Variants in ZYG11A observed in about 807,000 individuals in gnomAD.
ZYG11A encodes protein zyg-11 homolog A.
Under a neutral mutation model 77.2 loss-of-function variants are expected in ZYG11A, and 62 were observed. The ratio of observed to expected loss-of-function variants is 0.80; its 90% confidence interval spans 0.65 to 0.99. The LOEUF is 0.99. ZYG11A is among the 50% of genes least tolerant of loss of function. ZYG11A has a pLI of 0.00. For missense variants in ZYG11A, 828 were observed against 896.8 expected (o/e 0.92, Z 0.98); for synonymous variants, 315 against 324.6 (o/e 0.97, Z 0.32).
intron 5 of ZYG11A, 143 bp downstream of exon 5, chr1:52,864,300 C>T (rs989141791): frequency 2.2e-5 from 18 of 811,612 alleles, no homozygotes; most frequent in South Asian, 1.8e-5. Context: ...GGCTGGAGTG[C>T]GGTGGCACGA....
chr1:52,857,031 G>T lies in ZYG11A; in HGVS notation c.290G>T (p.Arg97Leu), dbSNP rs934304733. 1 of 1,545,190 alleles carries T rather than the reference G, an allele frequency of 6.5e-7. No homozygotes were observed. Among genetic ancestry groups the T allele is most frequent in the African/African-American group, 1.4e-5 (1 of 72,954 alleles). The change falls in exon 3 of 14, where the codon CGA (arginine) becomes CTA (leucine). Residue 97 changes from arginine to leucine, a missense_variant. Transcript: ENST00000371528. ...ACTGACAGAACAGCCAGCATTTTCC[G>T]AGGCAACCAAATGAAACTGAAGCTG... ...KLTDRTASIF[R>L]GNQMKLKLVN...
At chr1:52,863,616 T>C (rs1645968920) in intron 4 of ZYG11A, among the ~76,000 whole-genome samples, 6 of 152,256 alleles carry the variant, frequency 3.9e-5, no homozygotes, top group Admixed American at 3.9e-4. Flanking sequence ...CACAGTGTTA[T>C]TACTGTCACA....
chr1:52,874,729 G>C (rs1672910), intron 8 of ZYG11A, among the ~76,000 whole-genome samples: 1 of 152,016 alleles, frequency 6.6e-6, no homozygotes, highest in South Asian at 2.1e-4. Context: ...TAGCCGGGTG[G>C]GGTGGCACGA....
chr1:52,872,951 C>T (rs115651578), intron 8 of ZYG11A, among the ~76,000 whole-genome samples: 1 of 151,448 alleles, frequency 6.6e-6, no homozygotes, highest in African/African-American at 2.4e-5. Flanking sequence ...CTAGAGCTGC[C>T]ATAGGTAGGA....
chr1:52,845,170 C>G (rs1163151961), intron 1 of ZYG11A, among the ~76,000 whole-genome samples: 1 of 152,068 alleles, frequency 6.6e-6, no homozygotes, highest in Non-Finnish European at 1.5e-5. Context: ...TAGCAATATT[C>G]TTGTCCAGAA....
chr1:52,850,429 C>T (rs1347864085), intron 1 of ZYG11A, among the ~76,000 whole-genome samples: 1 of 151,930 alleles, frequency 6.6e-6, no homozygotes, highest in Non-Finnish European at 1.5e-5. Flanking sequence ...AGCTATTGTC[C>T]TGCCTCAGCC....
At chr1:52,856,596 A>G (rs940127052) in intron 2 of ZYG11A, among the ~76,000 whole-genome samples, 1 of 152,178 alleles carries the variant, frequency 6.6e-6, no homozygotes, top group Non-Finnish European at 1.5e-5. Flanking sequence ...AAATAATATT[A>G]GTAGTGCTAC....
chr1:52,850,867 G>A lies in ZYG11A; in HGVS notation c.91-3598G>A, dbSNP rs115522257. 4.4e-3 allele frequency among the ~76,000 whole-genome samples: 675 copies of A among 152,124 alleles called. 8 individuals carry two copies. The highest frequency in any genetic ancestry group is 0.015 in the African/African-American group (622 of 41,502). ...TGTTCATGTTCTGTTTTAAACCCAC[G>A]AATTATAATAGCCATTTTAAATTCC... On this transcript the variant is annotated intron_variant, in intron 1 of 13. Transcript: ENST00000371528.
At chr1:52,870,430 A>G (rs1646134817) in intron 8 of ZYG11A, among the ~76,000 whole-genome samples, 1 of 152,172 alleles carries the variant, frequency 6.6e-6, no homozygotes, top group Non-Finnish European at 1.5e-5. Flanking sequence ...GCGGCCAGGC[A>G]GAGACGCCCC....
chr1:52,881,470 G>T lies in ZYG11A; in HGVS notation c.1750-1G>T. The T allele has an allele frequency of 6.5e-7, 1 of 1,545,284 alleles. No individual in the cohort carries two copies. Among genetic ancestry groups the T allele is most frequent in the South Asian group, 1.2e-5 (1 of 82,854 alleles). On this transcript the variant is annotated splice_acceptor_variant, in intron 10 of 13. Transcript: ENST00000371528. LOFTEE classifies it high-confidence loss of function. ...GGTTCTCTGCTCCATCTGACCTGTA[G>T]AACAACATAGCAGAAGTCAGAGAGC...
In ZYG11A at chr1:52,857,011, C is replaced by T. The variant is rs1186408506; in HGVS notation, c.270C>T (p.Asp90=). 6.5e-7 allele frequency: 1 copy of T among 1,537,786 alleles called. No homozygotes were observed. The highest frequency in any genetic ancestry group is 2.0e-5 in the Admixed American group (1 of 49,846). The change falls in exon 3 of 14, where the codon GAC becomes GAT. Residue 90 remains aspartate, a synonymous_variant. Coordinates refer to ENST00000371528, the MANE Select transcript of ZYG11A (RefSeq NM_001004339.3). The part of the protein sequence containing the change: ...RVMTWQGKLT[D]RTASIFRGNQ... ...GTTCTTTCATAGGCAAGCTGACTGA[C>T]AGAACAGCCAGCATTTTCCGAGGCA...
Position 52,860,711 on chromosome 1 carries a change from G to T in ZYG11A, c.1009-20G>T. 3 of 1,549,504 alleles carry T rather than the reference G, an allele frequency of 1.9e-6. No individual in the cohort carries two copies. Among genetic ancestry groups the T allele is most frequent in the Non-Finnish European group, 2.6e-6 (3 of 1,146,378 alleles). On this transcript the variant is annotated intron_variant, in intron 3 of 13. Transcript: ENST00000371528. The stretch of plus-strand genomic sequence containing the variant: ...AAAATATGAATGGTGAAACCTGTTT[G>T]GTAACATCTTTATTTTCAGGTTGCT...
intron 5 of ZYG11A, among the ~76,000 whole-genome samples, chr1:52,864,746 G>A (rs1256054703): frequency 6.6e-6 from 1 of 151,618 alleles, no homozygotes; most frequent in Non-Finnish European, 1.5e-5. Context: ...CTGGGTTCGT[G>A]CCATTCTCCT....
intron 5 of ZYG11A, among the ~76,000 whole-genome samples, chr1:52,866,158 C>T (rs1414366279): frequency 1.3e-5 from 2 of 152,096 alleles, no homozygotes; most frequent in Admixed American, 6.5e-5. Context: ...AGGTTGGTCT[C>T]GATCTCCTGA....
intron 10 of ZYG11A, among the ~76,000 whole-genome samples, chr1:52,880,317 T>TA (rs1646342813): frequency 6.6e-6 from 1 of 152,106 alleles, no homozygotes; most frequent in South Asian, 2.1e-4. Flanking sequence ...TACTAGTGTC[T>TA]AGAGTGTGCT....
chr1:52,860,956 A>G, intron 4 of ZYG11A, 85 bp downstream of exon 4: 1 of 1,304,804 alleles, frequency 7.7e-7, no homozygotes, highest in South Asian at 1.4e-5. Flanking sequence ...AATATAATAA[A>G]TTATATGCTT....
intron 5 of ZYG11A, among the ~76,000 whole-genome samples, chr1:52,864,579 GAA>G (rs1473443702): frequency 1.5e-4 from 23 of 152,164 alleles, no homozygotes; most frequent in Non-Finnish European, 2.9e-5. Context: ...TCCTATTAGA[GAA>G]AGAGAATAGA....
rs1044769150 is a variant in ZYG11A, at chr1:52,854,369, A to G, written c.91-96A>G. The G allele has an allele frequency of 7.1e-6, 8 of 1,123,182 alleles. No individual in the cohort carries two copies. In the African/African-American group the frequency reaches 1.3e-4, roughly 18 times the overall value. 69.6% of individuals were successfully genotyped at this position (1,123,182 alleles called of 1,614,324 possible). On this transcript the variant is annotated intron_variant, in intron 1 of 13. Transcript: ENST00000371528. Reference sequence around the variant, plus strand: ...GAGTATGAAGGATGTATCTTCAGATACTCTCATCAAGTGGAATAGGTATGG... The same window carrying G: ...GAGTATGAAGGATGTATCTTCAGATGCTCTCATCAAGTGGAATAGGTATGG...
At chr1:52,863,377 T>C (rs895152081) in intron 4 of ZYG11A, among the ~76,000 whole-genome samples, 2 of 152,192 alleles carry the variant, frequency 1.3e-5, no homozygotes, top group African/African-American at 4.8e-5. Context: ...TTTTTTCCAC[T>C]TTCTGTTTTT....
Sources: gnomAD v4.1 joint callset for allele counts (sites outside exome capture counted in the v4.1 genomes callset) on GRCh38, gnomAD v4.1.1 for gene constraint, MANE v1.5 for transcripts, NCBI Gene and HGNC (gene_info 2026-07-23, HGNC 2026-07-21) for gene names.